AADACL4: variants seen among roughly 807,000 people sequenced by gnomAD.
The protein encoded by AADACL4 is arylacetamide deacetylase like 4.
AADACL4 carries 9 observed loss-of-function variants against 14.1 expected under a neutral mutation model. The observed-to-expected ratio is 0.64, with a 90% CI of 0.39 to 1.12. The LOEUF is 1.12. Ranked by LOEUF, AADACL4 falls within the 50% of genes most tolerant of loss-of-function variation. AADACL4 has a pLI of 0.01. For synonymous variants in AADACL4, 188 were observed against 201.6 expected (o/e 0.93, Z 0.57); for missense variants, 531 against 516.1 (o/e 1.03, Z -0.28).
At position 12,647,476 on chromosome 1, in the gene AADACL4, C is replaced by T. The variant is rs537456731; in HGVS notation, c.168+2762C>T. ...AAATGCACAGCACCAGTGCTGGGTG[C>T]TTAGAAAGTCTCGATAAAAGTCAAT... On this transcript the variant is annotated intron_variant, in intron 1 of 3. Coordinates refer to ENST00000376221, the MANE Select transcript of AADACL4 (RefSeq NM_001013630.2). 2.0e-5 allele frequency among the ~76,000 whole-genome samples: 3 copies of T among 152,148 alleles called. No homozygotes were observed. The East Asian group carries it at 5.8e-4, about 29-fold the overall frequency.
At chr1:12,648,968 G>T (rs974627933) in intron 1 of AADACL4, among the ~76,000 whole-genome samples, 1 of 152,142 alleles carries the variant, frequency 6.6e-6, no homozygotes, top group African/African-American at 2.4e-5. Flanking sequence ...CTAAACAAAC[G>T]TTTCCTGTTC....
rs1473396578 is a variant in AADACL4, at chr1:12,666,792, GGT to G, written c.*59_*60del. 3.3e-6 allele frequency: 5 copies of G among 1,501,064 alleles called. No individual in the cohort carries two copies. The highest frequency in any genetic ancestry group is 4.4e-6 in the Non-Finnish European group (5 of 1,125,626). 93.0% of individuals were successfully genotyped at this position (1,501,064 alleles called of 1,614,324 possible). A position where few individuals can be genotyped will look rare whatever the true frequency, so the allele number is the denominator to read the frequency against. On this transcript the variant is annotated 3_prime_UTR_variant, in exon 4 of 4. Transcript: ENST00000376221. The stretch of plus-strand genomic sequence containing the variant: ...CAAGTATGGACTCTACCAGAAACCG[GGT>G]GCTTTAGTGAGTTCTATTTTATTGA...
chr1:12,665,712 C>T (rs547220755), intron 3 of AADACL4, among the ~76,000 whole-genome samples: 14 of 152,300 alleles, frequency 9.2e-5, no homozygotes, highest in South Asian at 8.3e-4. Context: ...AAAGTTGCAT[C>T]ACCTCGTATA....
At chr1:12,646,385 G>C (rs2100755993) in intron 1 of AADACL4, among the ~76,000 whole-genome samples, 1 of 152,314 alleles carries the variant, frequency 6.6e-6, no homozygotes, top group East Asian at 1.9e-4. Flanking sequence ...TGTGCTGCTG[G>C]AAGTGTTCCC....
At position 12,647,090 on chromosome 1, in the gene AADACL4, A is replaced by ATTT. The variant is rs201579516; in HGVS notation, c.168+2393_168+2395dup. Reference sequence around the variant, plus strand: ...TTATTTTCTTCTCTGAAAAGTGAGGATTTTTTTTTTTTTTTTTTTCTGAGA... The same window carrying ATTT: ...TTATTTTCTTCTCTGAAAAGTGAGGATTTTTTTTTTTTTTTTTTTTTTCTGAGA... On this transcript the variant is annotated intron_variant, in intron 1 of 3. Coordinates refer to ENST00000376221, the MANE Select transcript of AADACL4 (RefSeq NM_001013630.2). 1.1e-3 allele frequency among the ~76,000 whole-genome samples: 142 copies of ATTT among 128,792 alleles called. 2 individuals are homozygous for ATTT. Among genetic ancestry groups the ATTT allele is most frequent in the Admixed American group, 2.5e-3 (31 of 12,498 alleles). 84.5% of individuals were successfully genotyped at this position (128,792 alleles called of 152,430 possible).
rs1308431699 is a variant in AADACL4, at chr1:12,648,388, C to CCTTTCTTT, written c.169-2733_169-2726dup. Among the ~76,000 whole-genome samples the CCTTTCTTT allele has an allele frequency of 6.7e-3, 989 of 146,816 alleles. 9 individuals are homozygous for CCTTTCTTT. Among genetic ancestry groups the CCTTTCTTT allele is most frequent in the Middle Eastern group, 0.024 (7 of 290 alleles). On this transcript the variant is annotated intron_variant, in intron 1 of 3. Transcript: ENST00000376221. ...TCCTTCCTTCCTTCCTTCCTTCCTT[C>CCTTTCTTT]CTTTCTTTCCTTCTTTCCTTTTTTT... is the stretch of plus-strand genomic sequence containing the variant.
At chr1:12,644,757 C>T in intron 1 of AADACL4, 43 bp downstream of exon 1, 1 of 1,591,140 alleles carries the variant, frequency 6.3e-7, no homozygotes, top group Non-Finnish European at 8.6e-7. Context: ...GGGGCTTCTT[C>T]TCTTGTTCTC....
chr1:12,654,074 A>G (rs911359830), intron 2 of AADACL4, among the ~76,000 whole-genome samples: 2 of 152,162 alleles, frequency 1.3e-5, no homozygotes, highest in African/African-American at 2.4e-5. Flanking sequence ...GTTCTCTCAA[A>G]AGCAAACAAA....
intron 1 of AADACL4, among the ~76,000 whole-genome samples, chr1:12,648,074 G>A (rs772264686): frequency 2.6e-5 from 4 of 152,176 alleles, no homozygotes; most frequent in East Asian, 1.9e-4. Flanking sequence ...AGGTTCAAGC[G>A]ATTCTCCTGC....
chr1:12,651,436 AG>A (rs1468646940), intron 2 of AADACL4, 97 bp downstream of exon 2: 1 of 1,291,472 alleles, frequency 7.7e-7, no homozygotes, highest in Non-Finnish European at 1.1e-6. Flanking sequence ...AGTAGCTTAA[AG>A]GAATCAGTTG....
intron 2 of AADACL4, among the ~76,000 whole-genome samples, chr1:12,659,806 G>A (rs539801438): frequency 1.7e-3 from 260 of 149,672 alleles, no homozygotes; most frequent in Non-Finnish European, 2.9e-3. Flanking sequence ...CCACCCCTAG[G>A]TAATTATTTA....
At chr1:12,658,481 A>G (rs759433359) in intron 2 of AADACL4, among the ~76,000 whole-genome samples, 84 of 151,998 alleles carry the variant, frequency 5.5e-4, no homozygotes, top group Middle Eastern at 3.4e-3. Flanking sequence ...CTGGTGTCGA[A>G]CTCCTGACCT....
intron 1 of AADACL4, among the ~76,000 whole-genome samples, chr1:12,647,863 G>T (rs1647120907): frequency 6.6e-6 from 1 of 152,058 alleles, no homozygotes; most frequent in Non-Finnish European, 1.5e-5. Context: ...TTGCCATGTT[G>T]CCTAGGCTGG....
chr1:12,644,403 T>TGTGTCAGGCCACTGTGTCAG lies in AADACL4; in HGVS notation c.-134_-115dup. ...CCTTTTTGTGCTTACCCTGAGAAGC[T>TGTGTCAGGCCACTGTGTCAG]GTGTCAGGCCACTGTGTCAGGTGTC... On this transcript the variant is annotated 5_prime_UTR_variant, in exon 1 of 4. Coordinates refer to ENST00000376221, the MANE Select transcript of AADACL4 (RefSeq NM_001013630.2). 1.1e-6 allele frequency: 1 copy of TGTGTCAGGCCACTGTGTCAG among 886,534 alleles called. No individual in the cohort carries two copies. The highest frequency in any genetic ancestry group is 1.7e-6 in the Non-Finnish European group (1 of 592,998). 54.9% of individuals were successfully genotyped at this position (886,534 alleles called of 1,614,324 possible).
chr1:12,662,153 G>T (rs958043554), intron 3 of AADACL4, among the ~76,000 whole-genome samples: 5 of 152,294 alleles, frequency 3.3e-5, no homozygotes, highest in Middle Eastern at 3.4e-3. Flanking sequence ...GGTGTACCAT[G>T]TTGCAAATGA....
At chr1:12,652,151 T>C (rs1206695558) in intron 2 of AADACL4, among the ~76,000 whole-genome samples, 1 of 152,110 alleles carries the variant, frequency 6.6e-6, no homozygotes, top group African/African-American at 2.4e-5. Flanking sequence ...AAAATACAAG[T>C]CAGAGCTTGT....
chr1:12,665,928 C>A, intron 3 of AADACL4, 33 bp from the exon 4 acceptor site: 13 of 1,568,714 alleles, frequency 8.3e-6, no homozygotes, highest in Non-Finnish European at 1.1e-5. Flanking sequence ...ACTGTCCACA[C>A]TGGTGTAGTG....
rs796485537 is a variant in AADACL4 at position 12,658,341 on chromosome 1, C to T, written c.386-3450C>T. ...TTGCACAATCTCAGCTCACTGCAAC[C>T]TCCACCTCCCGGATTCAAGCGAGTA... On this transcript the variant is annotated intron_variant, in intron 2 of 3. Coordinates refer to ENST00000376221, the MANE Select transcript of AADACL4 (RefSeq NM_001013630.2). Among the ~76,000 whole-genome samples the T allele has an allele frequency of 4.6e-5, 7 of 151,948 alleles. No homozygotes were observed. The East Asian group carries it at 1.4e-3, about 29-fold the overall frequency.
At chr1:12,656,228 T>C (rs548331291) in intron 2 of AADACL4, among the ~76,000 whole-genome samples, 1 of 152,232 alleles carries the variant, frequency 6.6e-6, no homozygotes, top group African/African-American at 2.4e-5. Flanking sequence ...TTATGAAATG[T>C]CCCTTGTGAT....
Sources: allele counts gnomAD v4.1 joint callset (sites outside exome capture counted in the v4.1 genomes callset), GRCh38; gene constraint gnomAD v4.1.1; transcripts MANE v1.5; gene names NCBI Gene and HGNC (gene_info 2026-07-23, HGNC 2026-07-21).